The following EIPR1 variants were observed in gnomAD, a reference collection of about 807,000 sequenced individuals.
EIPR1 encodes the protein EARP and GARP complex-interacting protein 1.
A neutral mutation model predicts 48.1 loss-of-function variants in EIPR1; 25 were observed. The ratio of observed to expected loss-of-function variants is 0.52; its 90% CI spans 0.38 to 0.73. The LOEUF is 0.73. Ranked by LOEUF, EIPR1 falls within the 30% of genes least tolerant of loss-of-function variation. The pLI is 0.00. For missense variants in EIPR1, 415 were observed against 506.2 expected, an observed-to-expected ratio of 0.82 and a Z score of 1.73; for synonymous variants, 204 against 201.9, an observed-to-expected ratio of 1.01 and a Z score of -0.09.
chr2:3,353,237 G>C (rs1184077693), intron 2 of EIPR1: 1 of 471,138 alleles, frequency 2.1e-6, no homozygotes, highest in South Asian at 1.5e-5. Flanking sequence ...GGGTGGTCTT[G>C]GAACACATCC....
chr2:3,234,773 G>A (rs1009338683), intron 4 of EIPR1, among the ~76,000 whole-genome samples: 23 of 152,214 alleles, frequency 1.5e-4, no homozygotes, highest in African/African-American at 5.3e-4. Context: ...CCTTGCACTG[G>A]AAGATGCTCC....
intron 4 of EIPR1, among the ~76,000 whole-genome samples, chr2:3,219,682 G>A (rs1471895292): frequency 6.7e-6 from 1 of 150,300 alleles, no homozygotes; most frequent in Non-Finnish European, 1.5e-5. Context: ...TGACTCAGGT[G>A]CACACCCAAC....
chr2:3,237,221 T>TACACAC (rs35498711), intron 4 of EIPR1, among the ~76,000 whole-genome samples: 17,042 of 127,586 alleles, frequency 0.13, 1,303 homozygotes, highest in South Asian at 0.2. Flanking sequence ...TTTTGAAAAC[T>TACACAC]ACACACACAC....
chr2:3,225,404 C>T (rs1666032340), intron 4 of EIPR1, among the ~76,000 whole-genome samples: 1 of 152,060 alleles, frequency 6.6e-6, no homozygotes, highest in Non-Finnish European at 1.5e-5. Context: ...TGCCACCCTA[C>T]TTGGTTAATT....
At chr2:3,320,071 C>G (rs79123613) in intron 3 of EIPR1, 1 of 172,096 alleles carries the variant, frequency 5.8e-6, no homozygotes, top group Non-Finnish European at 1.2e-5. Context: ...AGAGCAATAT[C>G]ACACCTGCGG....
Position 3,312,249 on chromosome 2 carries a change from C to T in EIPR1, c.259+25768G>A, listed in dbSNP as rs573675982. ...CTGCTCTGCCTATGGCCACTGAGGC[C>T]GCATTCCGGGTGTGCTCTGACGTTT... On this transcript the variant is annotated intron_variant, in intron 3 of 8. Coordinates refer to ENST00000382125, the MANE Select transcript of EIPR1 (RefSeq NM_003310.5). This position sits in a 1 kb window ranked among gnomAD's most constrained non-coding sequence, Gnocchi z 5.5. Among the ~76,000 whole-genome samples the T allele has an allele frequency of 5.3e-5, 8 of 152,268 alleles. No individual in the cohort carries two copies. The highest frequency in any genetic ancestry group is 2.6e-4 in the Admixed American group (4 of 15,300).
chr2:3,313,354 G>A (rs138462603), intron 3 of EIPR1, among the ~76,000 whole-genome samples: 92 of 151,438 alleles, frequency 6.1e-4, no homozygotes, highest in African/African-American at 1.9e-3. Flanking sequence ...ACAAAATGCC[G>A]CCTGAGAGTT....
chr2:3,270,936 A>G (rs912238165), intron 3 of EIPR1, among the ~76,000 whole-genome samples: 2 of 152,262 alleles, frequency 1.3e-5, no homozygotes, highest in African/African-American at 4.8e-5. Flanking sequence ...TTCTTTCAAA[A>G]TTGGAGTCAG....
In EIPR1 at chr2:3,189,798, C is replaced by G. The variant is rs3749091; in HGVS notation, c.990-290G>C. ...TGTCTTGGTTTCTTCTGTCCTTGGC[C>G]CCCGGGTGCCTGGGTTGATATTTTG... is the stretch of plus-strand genomic sequence containing the variant. On this transcript the variant is annotated intron_variant, in intron 8 of 8. Transcript: ENST00000382125. The surrounding 1 kb of genome is among the most constrained non-coding windows in gnomAD (Gnocchi z 4.6). 2.6e-3 allele frequency among the ~76,000 whole-genome samples: 394 copies of G among 152,266 alleles called. 12 individuals are homozygous for G. The East Asian group carries it at 0.04, about 15-fold the overall frequency.
At chr2:3,202,993 C>T (rs1385503610) in intron 5 of EIPR1, among the ~76,000 whole-genome samples, 1 of 152,128 alleles carries the variant, frequency 6.6e-6, no homozygotes, top group Non-Finnish European at 1.5e-5. Flanking sequence ...GTCTGGCTGC[C>T]GAGGTAAATG....
At chr2:3,299,951 T>TA (rs1265783996) in intron 3 of EIPR1, among the ~76,000 whole-genome samples, 5 of 152,134 alleles carry the variant, frequency 3.3e-5, no homozygotes, top group African/African-American at 4.8e-5. Flanking sequence ...AGAGTCACAC[T>TA]ATTTGGTCTC....
At chr2:3,257,505 G>T (rs371126653) in intron 3 of EIPR1, 50 bp from the exon 4 acceptor site, 1 of 1,594,240 alleles carries the variant, frequency 6.3e-7, no homozygotes, top group South Asian at 1.1e-5. Context: ...GGTGTGCCCC[G>T]CATTCTGCAG....
intron 1 of EIPR1, among the ~76,000 whole-genome samples, chr2:3,357,509 C>A (rs989516515): frequency 1.3e-5 from 2 of 152,204 alleles, no homozygotes; most frequent in Admixed American, 1.3e-4. Flanking sequence ...GGAGTATGCA[C>A]CTGTAACAAC....
In EIPR1 at chr2:3,197,895, C is replaced by T. The variant is rs567824311; in HGVS notation, c.517-878G>A. 7.9e-5 allele frequency among the ~76,000 whole-genome samples: 12 copies of T among 152,304 alleles called. No individual in the cohort carries two copies. The South Asian group carries it at 2.1e-3, about 26-fold the overall frequency. On this transcript the variant is annotated intron_variant, in intron 5 of 8. Coordinates refer to ENST00000382125, the MANE Select transcript of EIPR1 (RefSeq NM_003310.5). ...AGCCTGAGGCAGGTGGCTGGTGAGGCGGGCCTGGCCAGGCTGAGGGCAGGT... is the reference window on the plus strand; with the variant it reads ...AGCCTGAGGCAGGTGGCTGGTGAGGTGGGCCTGGCCAGGCTGAGGGCAGGT...
chr2:3,351,162 A>T (rs1434302867), intron 2 of EIPR1, among the ~76,000 whole-genome samples: 1 of 152,008 alleles, frequency 6.6e-6, no homozygotes, highest in Admixed American at 6.6e-5. Flanking sequence ...CACCACACCC[A>T]GCTAATTTTT....
chr2:3,278,264 C>T (rs552698845), intron 3 of EIPR1, among the ~76,000 whole-genome samples: 1 of 152,326 alleles, frequency 6.6e-6, no homozygotes, highest in East Asian at 1.9e-4. Flanking sequence ...GCCCCATCAG[C>T]TGCTGCCATC....
chr2:3,330,454 C>T (rs1558302979), intron 3 of EIPR1, among the ~76,000 whole-genome samples: 1 of 152,064 alleles, frequency 6.6e-6, no homozygotes, highest in Non-Finnish European at 1.5e-5. Flanking sequence ...GGCCACCACA[C>T]AGAGTGTCGC....
chr2:3,284,104 C>T (rs1160746008), intron 3 of EIPR1, among the ~76,000 whole-genome samples: 1 of 152,198 alleles, frequency 6.6e-6, no homozygotes, highest in Non-Finnish European at 1.5e-5. Flanking sequence ...CACAGAAGGC[C>T]GCGGCACGGC....
chr2:3,301,465 G>A (rs970702551), intron 3 of EIPR1: 10 of 152,060 alleles, frequency 6.6e-5, no homozygotes, highest in Non-Finnish European at 1.2e-4. Flanking sequence ...GTGCCTGCCA[G>A]GGGACAGCCA....
Sources: allele counts gnomAD v4.1 joint callset (sites outside exome capture counted in the v4.1 genomes callset), GRCh38; gene constraint gnomAD v4.1.1; non-coding constraint Gnocchi (gnomAD v3.1); transcripts MANE v1.5; gene names NCBI Gene and HGNC (gene_info 2026-07-23, HGNC 2026-07-21).